TNNI3: variants seen among roughly 807,000 people sequenced by gnomAD.
The protein encoded by TNNI3 is troponin I, cardiac muscle.
In TNNI3, 23 loss-of-function variants were observed where a neutral mutation model predicts 31.5. The observed-to-expected ratio is 0.73, with a 90% confidence interval of 0.52 to 1.03. TNNI3 has a LOEUF of 1.03. Among genes scored for constraint, TNNI3 ranks in the 50% least tolerant of loss-of-function variants. The pLI is 0.00. For synonymous variants in TNNI3, 120 were observed against 111.7 expected (o/e 1.07, Z -0.47); for missense variants, 236 against 282.9 (o/e 0.83, Z 1.19).
rs1229621781 is a variant in TNNI3, at chr19:55,156,648, C to T, written c.109-4G>A. 6.4e-7 allele frequency: 1 copy of T among 1,563,784 alleles called. No individual in the cohort carries two copies. Among genetic ancestry groups the T allele is most frequent in the Non-Finnish European group, 8.7e-7 (1 of 1,152,418 alleles). On this transcript the variant is annotated splice_polypyrimidine_tract_variant and splice_region_variant and intron_variant, in intron 3 of 7. Coordinates refer to ENST00000344887, the MANE Select transcript of TNNI3 (RefSeq NM_000363.5). This position sits in a 1 kb window ranked among gnomAD's most constrained non-coding sequence, Gnocchi z 4.6. ...AGGCGGAGATCTTAGATTTTTTCTGCCAGGGTGAGATGGAGCAAGGAAGGA... is the reference window on the plus strand; with the variant it reads ...AGGCGGAGATCTTAGATTTTTTCTGTCAGGGTGAGATGGAGCAAGGAAGGA...
chr19:55,151,833 C>A lies in TNNI3; in HGVS notation c.*1G>T. 2.5e-6 allele frequency: 4 copies of A among 1,613,992 alleles called. No homozygotes were observed. Among genetic ancestry groups the A allele is most frequent in the Non-Finnish European group, 3.4e-6 (4 of 1,179,884 alleles). ...AGGGCAGGGGCAGTAGGCAGGAAGG[C>A]TCAGCTCTCAAACTTTTTCTTGCGG... On this transcript the variant is annotated 3_prime_UTR_variant, in exon 8 of 8. Coordinates refer to ENST00000344887, the MANE Select transcript of TNNI3 (RefSeq NM_000363.5).
chr19:55,156,420 C>G lies in TNNI3; in HGVS notation c.151-88G>C. On this transcript the variant is annotated intron_variant, in intron 4 of 7. Coordinates refer to ENST00000344887, the MANE Select transcript of TNNI3 (RefSeq NM_000363.5). The surrounding 1 kb of genome is among the most constrained non-coding windows in gnomAD (Gnocchi z 4.6). ...GGAACCGCCTCTGCCCTTCTAAACC[C>G]TCCAGTTTGGTCTCCACTGTTCCAA... is the stretch of plus-strand genomic sequence containing the variant. The G allele has an allele frequency of 6.5e-7, 1 of 1,534,912 alleles. No individual in the cohort carries two copies. The highest frequency in any genetic ancestry group is 8.8e-7 in the Non-Finnish European group (1 of 1,137,998).
Position 55,156,451 on chromosome 19 carries a change from C to A in TNNI3, c.151-119G>T, listed in dbSNP as rs954643754. ...TTTGGTCTCCACTGTTCCAAGGCCC[C>A]GTCCCACCCCGAGCAGTACTCCCCG... is the stretch of plus-strand genomic sequence containing the variant. On this transcript the variant is annotated intron_variant, in intron 4 of 7. Transcript: ENST00000344887. The surrounding 1 kb of genome is among the most constrained non-coding windows in gnomAD (Gnocchi z 4.6). 1.3e-6 allele frequency: 2 copies of A among 1,504,446 alleles called. No individual in the cohort carries two copies. The highest frequency in any genetic ancestry group is 1.8e-6 in the Non-Finnish European group (2 of 1,114,622). 93.2% of individuals were successfully genotyped at this position (1,504,446 alleles called of 1,614,324 possible). A position where few individuals can be genotyped will look rare whatever the true frequency, so the allele number is the denominator to read the frequency against.
chr19:55,154,341 G>A, intron 6 of TNNI3, 135 bp from the exon 7 acceptor site: 4 of 938,194 alleles, frequency 4.3e-6, no homozygotes, highest in Non-Finnish European at 6.6e-6. Context: ...CCCGGCTTAG[G>A]CTCCCAGTCT....
Position 55,157,209 on chromosome 19 carries a change from G to A in TNNI3, c.25-76C>T. 1 of 1,596,678 alleles carries A rather than the reference G, an allele frequency of 6.3e-7. No individual in the cohort carries two copies. ...CTTACCGTACCGCACCCTCTGCTAG[G>A]GCTGCAGCCTCCCGCCCCAGACCCC... On this transcript the variant is annotated intron_variant, in intron 2 of 7. Coordinates refer to ENST00000344887, the MANE Select transcript of TNNI3 (RefSeq NM_000363.5). The surrounding 1 kb of genome is among the most constrained non-coding windows in gnomAD (Gnocchi z 6.3).
In TNNI3 at chr19:55,156,967, C is replaced by T; in HGVS notation, c.108+83G>A. 2 of 1,457,490 alleles carry T rather than the reference C, an allele frequency of 1.4e-6. No homozygotes were observed. Among genetic ancestry groups the T allele is most frequent in the East Asian group, 2.4e-5 (1 of 40,832 alleles). The allele number at this position is 1,457,490 out of a possible 1,614,324, so 90.3% of individuals were successfully genotyped here. A position where few individuals can be genotyped will look rare whatever the true frequency, so the allele number is the denominator to read the frequency against. On this transcript the variant is annotated intron_variant, in intron 3 of 7. Transcript: ENST00000344887. This position sits in a 1 kb window ranked among gnomAD's most constrained non-coding sequence, Gnocchi z 4.6. ...CCCTCCGCGTAGTCCCCGCCCCCTT[C>T]GCAGCCCTGGCTCCTCCCCCCACTC...
At position 55,152,028 on chromosome 19, in the gene TNNI3, T is replaced by C. The variant is rs2085698185; in HGVS notation, c.550-111A>G. On this transcript the variant is annotated intron_variant, in intron 7 of 7. Transcript: ENST00000344887. The surrounding 1 kb of genome is among the most constrained non-coding windows in gnomAD (Gnocchi z 4.0). ...GGCCACTCTACCCTGGATGCCTAAG[T>C]ATCTAGTTCTGGAGCACTTCCTGTC... The C allele has an allele frequency of 1.1e-6, 1 of 939,766 alleles. No individual in the cohort carries two copies. The highest frequency in any genetic ancestry group is 2.0e-5 in the Admixed American group (1 of 50,336). 58.2% of individuals were successfully genotyped at this position (939,766 alleles called of 1,614,324 possible). A position where few individuals can be genotyped will look rare whatever the true frequency, so the allele number is the denominator to read the frequency against.
chr19:55,156,048 C>T lies in TNNI3; in HGVS notation c.282+153G>A, dbSNP rs182246215. On this transcript the variant is annotated intron_variant, in intron 5 of 7. Coordinates refer to ENST00000344887, the MANE Select transcript of TNNI3 (RefSeq NM_000363.5). The surrounding 1 kb of genome is among the most constrained non-coding windows in gnomAD (Gnocchi z 4.6). The stretch of plus-strand genomic sequence containing the variant: ...GGAGCCAAGACTCCACAGACCTGCA[C>T]ACAAAGGGTGTTAGGGGCCAGGAGT... 3.3e-5 allele frequency among the ~76,000 whole-genome samples: 5 copies of T among 152,206 alleles called. No homozygotes were observed. In the East Asian group the frequency reaches 9.7e-4, roughly 29 times the overall value.
rs1192470639 is a variant in TNNI3, at chr19:55,152,107, C to T, written c.550-190G>A. Among the ~76,000 whole-genome samples, 4 of 152,028 alleles carry T rather than the reference C, an allele frequency of 2.6e-5. No individual in the cohort carries two copies. In the East Asian group the frequency reaches 5.8e-4, roughly 22 times the overall value. ...CCATGCACTTCCTGTCTCCCTCATG[C>T]ACTTCCTGTCCCCCTCATGCACTTC... On this transcript the variant is annotated intron_variant, in intron 7 of 7. Coordinates refer to ENST00000344887, the MANE Select transcript of TNNI3 (RefSeq NM_000363.5). The surrounding 1 kb of genome is among the most constrained non-coding windows in gnomAD (Gnocchi z 4.0).
intron 7 of TNNI3, among the ~76,000 whole-genome samples, chr19:55,153,434 G>GTGCAGTCATAGCTCAC (rs1422233497): frequency 2.6e-5 from 4 of 152,058 alleles, no homozygotes; most frequent in Non-Finnish European, 4.4e-5. Flanking sequence ...GAGTGCAGTG[G>GTGCAGTCATAGCTCAC]TGCAGTCATA....
Position 55,156,173 on chromosome 19 carries a change from G to A in TNNI3, c.282+28C>T. 1.2e-6 allele frequency: 2 copies of A among 1,612,624 alleles called. No homozygotes were observed. Among genetic ancestry groups the A allele is most frequent in the Non-Finnish European group, 1.7e-6 (2 of 1,179,732 alleles). Reference sequence around the variant, plus strand: ...GCTGTACTGCTGAATTCCGGGACTAGAAACCTCGCATCCTTGGGAGCCGGT... The same window carrying A: ...GCTGTACTGCTGAATTCCGGGACTAAAAACCTCGCATCCTTGGGAGCCGGT... On this transcript the variant is annotated intron_variant, in intron 5 of 7. Coordinates refer to ENST00000344887, the MANE Select transcript of TNNI3 (RefSeq NM_000363.5). The surrounding 1 kb of genome is among the most constrained non-coding windows in gnomAD (Gnocchi z 4.6).
At chr19:55,153,982 C>T (rs2085710593) in intron 7 of TNNI3, 48 bp downstream of exon 7, 1 of 1,607,284 alleles carries the variant, frequency 6.2e-7, no homozygotes, top group East Asian at 2.2e-5. Context: ...TTGGCACCCA[C>T]AGCCCTTCCC....
chr19:55,153,964 T>C (rs752673179), intron 7 of TNNI3, 66 bp downstream of exon 7: 587 of 1,582,870 alleles, frequency 3.7e-4, no homozygotes, highest in Non-Finnish European at 4.6e-4. Flanking sequence ...CCCTCAGGCC[T>C]AGGGTTGTTG....
rs371490136 is a variant in TNNI3 at position 55,154,750 on chromosome 19, G to A, written c.363C>T (p.Asn121=). ...TGCCCATGCGTCCCACCTCCGTGAT[G>A]TTCTTGGTGACTTTTGCCTCTATGT... The part of the protein sequence containing the change: ...RYDIEAKVTK[N]ITEIADLTQK... The change falls in exon 6 of 8, where the codon AAC becomes AAT. Residue 121 remains asparagine (N), a synonymous_variant. Coordinates refer to ENST00000344887, the MANE Select transcript of TNNI3 (RefSeq NM_000363.5). 9.9e-6 allele frequency: 16 copies of A among 1,614,042 alleles called. No homozygotes were observed. In the African/African-American group the frequency reaches 1.9e-4, roughly 19 times the overall value.
Position 55,156,719 on chromosome 19 carries a change from AC to A in TNNI3, c.109-76del. 1 of 1,499,780 alleles carries A rather than the reference AC, an allele frequency of 6.7e-7. No individual in the cohort carries two copies. The highest frequency in any genetic ancestry group is 9.1e-7 in the Non-Finnish European group (1 of 1,101,394). The allele number at this position is 1,499,780 out of a possible 1,614,324, so 92.9% of individuals were successfully genotyped here. A position where few individuals can be genotyped will look rare whatever the true frequency, so the allele number is the denominator to read the frequency against. On this transcript the variant is annotated intron_variant, in intron 3 of 7. Coordinates refer to ENST00000344887, the MANE Select transcript of TNNI3 (RefSeq NM_000363.5). This position sits in a 1 kb window ranked among gnomAD's most constrained non-coding sequence, Gnocchi z 4.6. ...ACGACGGTGGAGGGGACCTCAAGACACCCCCAGCAAACCCAGCCGGTCCAGA... is the reference window on the plus strand; with the variant it reads ...ACGACGGTGGAGGGGACCTCAAGACACCCCAGCAAACCCAGCCGGTCCAGA...
rs1345766387 is a variant in TNNI3 at position 55,157,005 on chromosome 19, A to T, written c.108+45T>A. On this transcript the variant is annotated intron_variant, in intron 3 of 7. Transcript: ENST00000344887. The surrounding 1 kb of genome is among the most constrained non-coding windows in gnomAD (Gnocchi z 6.3). ...CCTCCCCCCACTCCCAGGGTCTTGG[A>T]TCCCTCCGGCGCCTGTACTCTGCCC... 1 of 1,544,316 alleles carries T rather than the reference A, an allele frequency of 6.5e-7. No homozygotes were observed. Among genetic ancestry groups the T allele is most frequent in the Admixed American group, 2.0e-5 (1 of 51,094 alleles).
Position 55,151,930 on chromosome 19 carries a change from G to A in TNNI3, c.550-13C>T, listed in dbSNP as rs372398075. 2.4e-5 allele frequency: 38 copies of A among 1,613,200 alleles called. No individual in the cohort carries two copies. The highest frequency in any genetic ancestry group is 6.7e-5 in the East Asian group (3 of 44,828). ...CCTCCCGGTTTTCCTGGAGGATGGC[G>A]ATGAGTCAGAGGTTAGGGTCTCTTC... On this transcript the variant is annotated splice_polypyrimidine_tract_variant and intron_variant, in intron 7 of 7. Coordinates refer to ENST00000344887, the MANE Select transcript of TNNI3 (RefSeq NM_000363.5).
chr19:55,153,409 G>A (rs1568857699), intron 7 of TNNI3, among the ~76,000 whole-genome samples: 1 of 151,886 alleles, frequency 6.6e-6, no homozygotes, highest in African/African-American at 2.4e-5. Flanking sequence ...GGGTCTCACT[G>A]TATTGCCCAG....
chr19:55,156,530 GA>G lies in TNNI3; in HGVS notation c.150+72del. 1 of 1,273,472 alleles carries G rather than the reference GA, an allele frequency of 7.9e-7. No individual in the cohort carries two copies. Among genetic ancestry groups the G allele is most frequent in the Non-Finnish European group, 1.0e-6 (1 of 962,664 alleles). The allele number at this position is 1,273,472 out of a possible 1,614,324, so 78.9% of individuals were successfully genotyped here. A position where few individuals can be genotyped will look rare whatever the true frequency, so the allele number is the denominator to read the frequency against. ...CCGCCCACTTCCGCCCACCTACCCC[GA>G]AAGCCCCACCCATTCTCAAGCTCCG... is the stretch of plus-strand genomic sequence containing the variant. On this transcript the variant is annotated intron_variant, in intron 4 of 7. Transcript: ENST00000344887. This position sits in a 1 kb window ranked among gnomAD's most constrained non-coding sequence, Gnocchi z 4.6.
Sources: allele counts gnomAD v4.1 joint callset (sites outside exome capture counted in the v4.1 genomes callset), GRCh38; gene constraint gnomAD v4.1.1; non-coding constraint Gnocchi (gnomAD v3.1); transcripts MANE v1.5; gene names NCBI Gene and HGNC (gene_info 2026-07-23, HGNC 2026-07-21).